PCDHGB4: variants seen among roughly 807,000 people sequenced by gnomAD.
PCDHGB4 encodes protocadherin gamma subfamily B, 4.
PCDHGB4 carries 38 observed loss-of-function variants against 60.5 expected under a neutral mutation model. That is an observed-to-expected ratio of 0.63 (90% CI 0.48 to 0.82). The LOEUF (loss-of-function observed/expected upper bound fraction) is 0.82, where lower values mean the gene tolerates loss of function less well. PCDHGB4 is among the 40% of genes least tolerant of loss of function. PCDHGB4 has a pLI of 0.00. For missense variants in PCDHGB4, 1,109 were observed against 1,209.6 expected (o/e 0.92, Z 1.23); for synonymous variants, 456 against 509.7 (o/e 0.89, Z 1.42).
At chr5:141,410,404 G>A (rs79498912) in intron 1 of PCDHGB4, 32,650 of 1,614,014 alleles carry the variant, frequency 0.02, 588 homozygotes, top group African/African-American at 0.088. Context: ...TCTGTGTCAA[G>A]TCTGGACCTG....
intron 1 of PCDHGB4, chr5:141,475,937 C>G (rs970582600): frequency 2.8e-5 from 19 of 676,764 alleles, no homozygotes; most frequent in African/African-American, 1.8e-4. Context: ...GGCCCCTGCC[C>G]GTCCCCTTTC....
intron 1 of PCDHGB4, chr5:141,421,009 T>G (rs948913987): frequency 1.9e-6 from 1 of 515,496 alleles, no homozygotes. Context: ...AATCAGGGAA[T>G]GGGAAGCTGC....
At chr5:141,434,119 C>T (rs2097673106) in intron 1 of PCDHGB4, among the ~76,000 whole-genome samples, 1 of 152,180 alleles carries the variant, frequency 6.6e-6, no homozygotes, top group Non-Finnish European at 1.5e-5. Flanking sequence ...GCCTTTGGGA[C>T]TCCCTTTAGG....
At position 141,420,290 on chromosome 5, in the gene PCDHGB4, T is replaced by C. The variant is rs563124810; in HGVS notation, c.2397+30009T>C. 1.3e-5 allele frequency: 19 copies of C among 1,496,908 alleles called. No individual in the cohort carries two copies. The East Asian group carries it at 3.9e-4, about 30-fold the overall frequency. 92.7% of individuals were successfully genotyped at this position (1,496,908 alleles called of 1,614,324 possible). A position where few individuals can be genotyped will look rare whatever the true frequency, so the allele number is the denominator to read the frequency against. ...TCTTAAACAGGTAAGTATTTAAAAA[T>C]GTATTTAATCCTTTTTATATTACAA... On this transcript the variant is annotated intron_variant, in intron 1 of 3. Transcript: ENST00000519479.
At chr5:141,425,987 G>A (rs1304785231) in intron 1 of PCDHGB4, among the ~76,000 whole-genome samples, 1 of 152,188 alleles carries the variant, frequency 6.6e-6, no homozygotes, top group Non-Finnish European at 1.5e-5. Flanking sequence ...GAATCCCATT[G>A]AATTAGCAAA....
intron 1 of PCDHGB4, among the ~76,000 whole-genome samples, chr5:141,425,406 T>C (rs915792432): frequency 3.9e-5 from 6 of 152,222 alleles, no homozygotes; most frequent in Non-Finnish European, 7.3e-5. Flanking sequence ...TCTGTTAAGG[T>C]ATAACATATA....
At position 141,421,588 on chromosome 5, in the gene PCDHGB4, G is replaced by C; in HGVS notation, c.2397+31307G>C. 3 of 1,613,910 alleles carry C rather than the reference G, an allele frequency of 1.9e-6. No homozygotes were observed. The South Asian group carries it at 3.3e-5, about 18-fold the overall frequency. ...AGACACCTTGAAGATTTACGGAGTGGAGGTGGAAATAATAGATATTAATGA... is the reference window on the plus strand; with the variant it reads ...AGACACCTTGAAGATTTACGGAGTGCAGGTGGAAATAATAGATATTAATGA... On this transcript the variant is annotated intron_variant, in intron 1 of 3. Coordinates refer to ENST00000519479, the MANE Select transcript of PCDHGB4 (RefSeq NM_003736.4).
At chr5:141,405,114 C>T in intron 1 of PCDHGB4, 1 of 1,613,970 alleles carries the variant, frequency 6.2e-7, no homozygotes, top group Non-Finnish European at 8.5e-7. Flanking sequence ...CACTGGCACT[C>T]CTCGCATCTG....
chr5:141,477,438 C>A lies in PCDHGB4; in HGVS notation c.2398-17369C>A, dbSNP rs1386997844. The A allele has an allele frequency of 3.1e-6, 5 of 1,614,174 alleles. No individual in the cohort carries two copies. The Admixed American group carries it at 6.7e-5, about 22-fold the overall frequency. On this transcript the variant is annotated intron_variant, in intron 1 of 3. Coordinates refer to ENST00000519479, the MANE Select transcript of PCDHGB4 (RefSeq NM_003736.4). The surrounding 1 kb of genome is among the most constrained non-coding windows in gnomAD (Gnocchi z 4.9). ...GGAACCCCTTCCCTCTCAGCCCTTA[C>A]AATAGTGCGTGTTCAAGTGTCCGAC...
At chr5:141,483,980 G>A (rs1379963326) in intron 1 of PCDHGB4, among the ~76,000 whole-genome samples, 4 of 148,294 alleles carry the variant, frequency 2.7e-5, no homozygotes, top group Non-Finnish European at 5.9e-5. Flanking sequence ...CAAGGGAGTA[G>A]CTAGGTTGCT....
intron 1 of PCDHGB4, chr5:141,413,070 T>C: frequency 8.4e-7 from 1 of 1,195,132 alleles, no homozygotes; most frequent in African/African-American, 1.5e-5. Context: ...GAATTTAAAG[T>C]GCCCAGGCTA....
At chr5:141,410,600 C>T in intron 1 of PCDHGB4, 1 of 1,608,048 alleles carries the variant, frequency 6.2e-7, no homozygotes, top group Non-Finnish European at 8.5e-7. Flanking sequence ...TTTGACTTCA[C>T]ATCCTGAGAC....
intron 3 of PCDHGB4, among the ~76,000 whole-genome samples, chr5:141,506,202 G>A (rs911181875): frequency 6.6e-6 from 1 of 152,184 alleles, no homozygotes; most frequent in Non-Finnish European, 1.5e-5. Context: ...TGTAATCCCA[G>A]CACTTTGGGA....
Position 141,490,532 on chromosome 5 carries a change from C to T in PCDHGB4, c.2398-4275C>T. Reference sequence around the variant, plus strand: ...GAGCTGCTGGCCAGCGATGCTGGTTCACCTTCCCTACACAAACATCTCACC... The same window carrying T: ...GAGCTGCTGGCCAGCGATGCTGGTTTACCTTCCCTACACAAACATCTCACC... On this transcript the variant is annotated intron_variant, in intron 1 of 3. Coordinates refer to ENST00000519479, the MANE Select transcript of PCDHGB4 (RefSeq NM_003736.4). This position sits in a 1 kb window ranked among gnomAD's most constrained non-coding sequence, Gnocchi z 5.4. 6.2e-7 allele frequency: 1 copy of T among 1,614,142 alleles called. No homozygotes were observed. Among genetic ancestry groups the T allele is most frequent in the Non-Finnish European group, 8.5e-7 (1 of 1,180,030 alleles).
chr5:141,485,982 A>G lies in PCDHGB4; in HGVS notation c.2398-8825A>G. 6.2e-7 allele frequency: 1 copy of G among 1,614,156 alleles called. No homozygotes were observed. The highest frequency in any genetic ancestry group is 8.5e-7 in the Non-Finnish European group (1 of 1,180,020). ...ATCCAGCTCAATGCCTCAGACCCGG[A>G]CCTGGGTCCCAGTGGTAACGTCACC... On this transcript the variant is annotated intron_variant, in intron 1 of 3. Coordinates refer to ENST00000519479, the MANE Select transcript of PCDHGB4 (RefSeq NM_003736.4). The surrounding 1 kb of genome is among the most constrained non-coding windows in gnomAD (Gnocchi z 5.7).
At chr5:141,478,137 G>C (rs762316494) in intron 1 of PCDHGB4, 1 of 1,613,872 alleles carries the variant, frequency 6.2e-7, no homozygotes, top group South Asian at 1.1e-5. Context: ...CCTGAAGCCC[G>C]AGCCGAGTTC....
intron 1 of PCDHGB4, among the ~76,000 whole-genome samples, chr5:141,468,857 C>A (rs1386167428): frequency 2.0e-5 from 3 of 151,962 alleles, no homozygotes; most frequent in Non-Finnish European, 4.4e-5. Context: ...CAGAGCGAGA[C>A]TCCATCTCAA....
In PCDHGB4 at chr5:141,486,444, T is replaced by C. The variant is rs769032995; in HGVS notation, c.2398-8363T>C. 2 of 1,614,086 alleles carry C rather than the reference T, an allele frequency of 1.2e-6. No individual in the cohort carries two copies. On this transcript the variant is annotated intron_variant, in intron 1 of 3. Transcript: ENST00000519479. This position sits in a 1 kb window ranked among gnomAD's most constrained non-coding sequence, Gnocchi z 5.0. ...GAGGCCAAATCTAGCTATGACATCA[T>C]GGTCACTGCTTCTGATGCTGGGAAC...
rs2099416627 is a variant in PCDHGB4 at position 141,477,726 on chromosome 5, C to T, written c.2398-17081C>T. 6.2e-7 allele frequency: 1 copy of T among 1,613,822 alleles called. No homozygotes were observed. The highest frequency in any genetic ancestry group is 8.5e-7 in the Non-Finnish European group (1 of 1,180,020). ...GATCGGCGGGAATTTGAATTAACAG[C>T]TCATATCAGCGATGGGGGCACCCCG... On this transcript the variant is annotated intron_variant, in intron 1 of 3. Coordinates refer to ENST00000519479, the MANE Select transcript of PCDHGB4 (RefSeq NM_003736.4). This position sits in a 1 kb window ranked among gnomAD's most constrained non-coding sequence, Gnocchi z 4.9.
Sources: gnomAD v4.1 joint callset for allele counts (sites outside exome capture counted in the v4.1 genomes callset) on GRCh38, gnomAD v4.1.1 for gene constraint, Gnocchi (gnomAD v3.1) non-coding constraint, MANE v1.5 for transcripts, NCBI Gene and HGNC (gene_info 2026-07-23, HGNC 2026-07-21) for gene names.